The following KNL1 variants were observed in gnomAD, a reference collection of about 807,000 sequenced individuals.
KNL1 encodes kinetochore scaffold 1.
KNL1 carries 66 observed loss-of-function variants against 201.3 expected under a neutral mutation model. The ratio of observed to expected loss-of-function variants is 0.33; its 90% CI spans 0.27 to 0.40. The LOEUF (loss-of-function observed/expected upper bound fraction) is 0.40, where lower values mean the gene tolerates loss of function less well. Among genes scored for constraint, KNL1 ranks in the 10% least tolerant of loss-of-function variants. KNL1 has a pLI of 1.00. For synonymous variants in KNL1, 895 were observed against 899.2 expected (o/e 1.00, Z 0.08); for missense variants, 2,815 against 2,690.5 (o/e 1.05, Z -1.02).
At chr15:40,655,666 G>A (rs931611232) in intron 22 of KNL1, among the ~76,000 whole-genome samples, 8 of 151,402 alleles carry the variant, frequency 5.3e-5, no homozygotes, top group Admixed American at 5.3e-4. Context: ...TGTAATCCCA[G>A]CACTCTGGGA....
chr15:40,662,048 A>G, intron 25 of KNL1, 26 bp from the exon 26 acceptor site: 10 of 1,402,946 alleles, frequency 7.1e-6, no homozygotes, highest in Non-Finnish European at 1.0e-5. Context: ...CAAAAAAGAA[A>G]ATTGATTAAC....
Position 40,605,106 on chromosome 15 carries a change from TC to T in KNL1, c.36-3del. 1 of 1,447,618 alleles carries T rather than the reference TC, an allele frequency of 6.9e-7. No individual in the cohort carries two copies. Among genetic ancestry groups the T allele is most frequent in the East Asian group, 2.3e-5 (1 of 44,062 alleles). 89.7% of individuals were successfully genotyped at this position (1,447,618 alleles called of 1,614,324 possible). On this transcript the variant is annotated splice_polypyrimidine_tract_variant and splice_region_variant and intron_variant, in intron 2 of 25. Coordinates refer to ENST00000399668, the MANE Select transcript of KNL1 (RefSeq NM_144508.5). ...GTGTATATAATTTTGTTTTCCTTTTTCAGTGACAATATAGAGAGACCTGTTA... is the reference window on the plus strand; with the variant it reads ...GTGTATATAATTTTGTTTTCCTTTTTAGTGACAATATAGAGAGACCTGTTA...
chr15:40,618,957 A>G lies in KNL1; in HGVS notation c.323-2A>G. 1 of 1,597,186 alleles carries G rather than the reference A, an allele frequency of 6.3e-7. No individual in the cohort carries two copies. The highest frequency in any genetic ancestry group is 8.6e-7 in the Non-Finnish European group (1 of 1,167,380). Reference sequence around the variant, plus strand: ...CTACAGTTTTTTCTTTTTTCTAAATAGGGATGAACACATTGCTTTCTGCTC... The same window carrying G: ...CTACAGTTTTTTCTTTTTTCTAAATGGGGATGAACACATTGCTTTCTGCTC... On this transcript the variant is annotated splice_acceptor_variant, in intron 8 of 25. Coordinates refer to ENST00000399668, the MANE Select transcript of KNL1 (RefSeq NM_144508.5). LOFTEE classifies it high-confidence loss of function.
chr15:40,624,174 T>G lies in KNL1; in HGVS notation c.3910T>G (p.Cys1304Gly). Reference sequence around the variant, plus strand: ...TTGTGGATCCAGTGATAATTATTCCTGTTTACCAAATGTTATTTCCTGTAC... The same window carrying G: ...TTGTGGATCCAGTGATAATTATTCCGGTTTACCAAATGTTATTTCCTGTAC... ...AVCGSSDNYSCLPNVISCTDN... is the reference protein window; with the variant it reads ...AVCGSSDNYSGLPNVISCTDN... The change falls in exon 10 of 26, where the codon TGT (cysteine) becomes GGT (glycine). Residue 1304 changes from cysteine (C) to glycine (G), a missense_variant. Around this residue, in one of 3 missense-constraint regions of KNL1, gnomAD observed 2,464 missense variants for 2,291.7 expected, o/e 1.08. Transcript: ENST00000399668. 6.2e-7 allele frequency: 1 copy of G among 1,614,014 alleles called. No individual in the cohort carries two copies. The highest frequency in any genetic ancestry group is 8.5e-7 in the Non-Finnish European group (1 of 1,179,950).
chr15:40,605,065 A>G (rs779877429), intron 2 of KNL1, 45 bp from the exon 3 acceptor site: 21 of 1,032,180 alleles, frequency 2.0e-5, no homozygotes, highest in Middle Eastern at 4.5e-4. Flanking sequence ...TTGTGAATTC[A>G]TTTTTTTAAA....
Position 40,623,181 on chromosome 15 carries a change from C to T in KNL1, c.2917C>T (p.Pro973Ser). ...CCAAGAAAAGGAAAGAACAGACAGA[C>T]CTAACTTTGAACTATCCCAAAGGAA... Reference protein sequence around the residue: ...DYQEKERTDRPNFELSQRKSL... With the variant: ...DYQEKERTDRSNFELSQRKSL... The change falls in exon 10 of 26, where the codon CCT becomes TCT. Residue 973 changes from proline to serine, a missense_variant. Transcript: ENST00000399668. 6.2e-7 allele frequency: 1 copy of T among 1,613,900 alleles called. No individual in the cohort carries two copies. Among genetic ancestry groups the T allele is most frequent in the Non-Finnish European group, 8.5e-7 (1 of 1,179,894 alleles).
intron 13 of KNL1, among the ~76,000 whole-genome samples, chr15:40,635,743 A>G (rs566876293): frequency 1.2e-4 from 19 of 152,232 alleles, no homozygotes; most frequent in Admixed American, 9.2e-4. Context: ...AGTTGCAGGA[A>G]CTCAGTTGGC....
intron 8 of KNL1, among the ~76,000 whole-genome samples, chr15:40,618,740 A>G (rs1443502979): frequency 6.6e-6 from 1 of 152,180 alleles, no homozygotes; most frequent in Non-Finnish European, 1.5e-5. Flanking sequence ...TCATTACACA[A>G]TGTATACAAG....
chr15:40,646,005 A>G (rs7169827), intron 16 of KNL1, among the ~76,000 whole-genome samples: 162 of 152,348 alleles, frequency 1.1e-3, no homozygotes, highest in African/African-American at 3.8e-3. Context: ...ACTATTATCC[A>G]TCATACATAC....
At chr15:40,658,558 T>A (rs1231661855) in intron 24 of KNL1, among the ~76,000 whole-genome samples, 4 of 37,178 alleles carry the variant, frequency 1.1e-4, no homozygotes, top group Non-Finnish European at 2.2e-4. Flanking sequence ...AGAGAATCTG[T>A]CTCAAAAAAA....
intron 6 of KNL1, among the ~76,000 whole-genome samples, chr15:40,611,270 G>C (rs1892151206): frequency 6.6e-6 from 1 of 151,506 alleles, no homozygotes; most frequent in African/African-American, 2.4e-5. Flanking sequence ...CACCACACCT[G>C]GCTAATTTTT....
chr15:40,601,654 C>T (rs1019983197), intron 1 of KNL1, among the ~76,000 whole-genome samples: 3 of 151,436 alleles, frequency 2.0e-5, no homozygotes, highest in African/African-American at 7.3e-5. Flanking sequence ...CCCGTCTCTA[C>T]TAAAAATACA....
Position 40,620,932 on chromosome 15 carries a change from A to T in KNL1, c.668A>T (p.Lys223Ile). Residue 223 changes from lysine (K) to isoleucine (I), a missense_variant, in exon 10 of 26, where the codon AAA becomes ATA. Around this residue, in one of 3 missense-constraint regions of KNL1, gnomAD observed 2,464 missense variants for 2,291.7 expected, o/e 1.08. Transcript: ENST00000399668. ...TTCAATGACTTCATAAAAAGATTGA[A>T]AACAGGAAAATGTAGTGCTTTTCCT... ...IDFNDFIKRL[K>I]TGKCSAFPDV... 6.2e-7 allele frequency: 1 copy of T among 1,602,964 alleles called. No homozygotes were observed. Among genetic ancestry groups the T allele is most frequent in the Non-Finnish European group, 8.5e-7 (1 of 1,177,198 alleles).
At chr15:40,632,320 A>G (rs1892934735) in intron 13 of KNL1, among the ~76,000 whole-genome samples, 1 of 151,984 alleles carries the variant, frequency 6.6e-6, no homozygotes, top group African/African-American at 2.4e-5. Flanking sequence ...AGACTAAAAT[A>G]ATTTTTTGTT....
intron 13 of KNL1, among the ~76,000 whole-genome samples, chr15:40,636,756 G>A (rs777903848): frequency 1.1e-4 from 17 of 152,078 alleles, no homozygotes; most frequent in Non-Finnish European, 2.4e-4. Flanking sequence ...ACTTGAACCC[G>A]GGAGATGGAG....
In KNL1 at chr15:40,625,310, T is replaced by C. The variant is rs1892708470; in HGVS notation, c.5046T>C (p.Asn1682=). The part of the protein sequence containing the change: ...EQIPADTTDI[N]HLETQPVSSK... The stretch of plus-strand genomic sequence containing the variant: ...TTCCAGCAGACACAACTGATATAAA[T>C]CACTTAGAAACTCAGCCGGTCTCTA... Residue 1682 remains asparagine (N), a synonymous_variant, in exon 10 of 26, where the codon AAT becomes AAC. Transcript: ENST00000399668. 2 of 1,613,940 alleles carry C rather than the reference T, an allele frequency of 1.2e-6. No individual in the cohort carries two copies. The highest frequency in any genetic ancestry group is 1.3e-5 in the African/African-American group (1 of 74,904).
At chr15:40,594,423 T>C (rs3751653) in intron 1 of KNL1, 31 bp downstream of exon 1, 61,287 of 152,118 alleles carry the variant, frequency 0.4, 12,565 homozygotes, top group Middle Eastern at 0.48. Flanking sequence ...GTTCTGGGCT[T>C]CAGGGAAGGC....
chr15:40,631,921 A>G (rs1373731373), intron 13 of KNL1, among the ~76,000 whole-genome samples: 1 of 151,180 alleles, frequency 6.6e-6, no homozygotes, highest in Non-Finnish European at 1.5e-5. Flanking sequence ...TCATGGGAGG[A>G]TCTCTTGAGC....
intron 13 of KNL1, among the ~76,000 whole-genome samples, chr15:40,637,175 C>CT (rs35738751): frequency 0.39 from 53,367 of 137,204 alleles, 10,435 homozygotes; most frequent in Non-Finnish European, 0.45. Flanking sequence ...TTTTTTCTTT[C>CT]TTTTTTTTTT....
Sources: gnomAD v4.1 joint callset for allele counts (sites outside exome capture counted in the v4.1 genomes callset) on GRCh38, gnomAD v4.1.1 for gene constraint, gnomAD v4.1.1 regional missense constraint, MANE v1.5 for transcripts, NCBI Gene and HGNC (gene_info 2026-07-23, HGNC 2026-07-21) for gene names.